The following ATP6V0D1 variants were observed in gnomAD, a reference collection of about 807,000 sequenced individuals.
ATP6V0D1 encodes V-type proton ATPase subunit d 1.
Under a neutral mutation model 39.0 loss-of-function variants are expected in ATP6V0D1, and 13 were observed. That is an observed-to-expected ratio of 0.33 (90% confidence interval 0.22 to 0.53). The LOEUF is 0.53. Among genes scored for constraint, ATP6V0D1 ranks in the 20% least tolerant of loss-of-function variants. The pLI is 0.94. For synonymous variants in ATP6V0D1, 191 were observed against 191.2 expected, an observed-to-expected ratio of 1.00 and a Z score of 0.01; for missense variants, 272 against 470.9, an observed-to-expected ratio of 0.58 and a Z score of 3.91.
At chr16:67,463,707 T>C (rs1299322486) in intron 1 of ATP6V0D1, among the ~76,000 whole-genome samples, 1 of 152,220 alleles carries the variant, frequency 6.6e-6, no homozygotes, top group Non-Finnish European at 1.5e-5. Context: ...GGCAAGAAGA[T>C]GGCAGAAGCA....
At chr16:67,475,261 GC>G (rs941904907) in intron 1 of ATP6V0D1, among the ~76,000 whole-genome samples, 2 of 152,274 alleles carry the variant, frequency 1.3e-5, no homozygotes, top group East Asian at 1.9e-4. Flanking sequence ...TAAACGACCT[GC>G]CACACCATCA....
chr16:67,478,113 G>A (rs894271115), intron 1 of ATP6V0D1, among the ~76,000 whole-genome samples: 8 of 152,186 alleles, frequency 5.3e-5, no homozygotes, highest in Non-Finnish European at 7.3e-5. Context: ...GTAGCTTGTT[G>A]ACATTTCACA....
chr16:67,457,164 A>G (rs1453340847), intron 1 of ATP6V0D1: 2 of 161,798 alleles, frequency 1.2e-5, no homozygotes, highest in Non-Finnish European at 2.7e-5. Flanking sequence ...CTCTAACTGG[A>G]AACACATGGG....
chr16:67,443,287 T>C, intron 3 of ATP6V0D1, 109 bp from the exon 4 acceptor site: 1 of 1,171,242 alleles, frequency 8.5e-7, no homozygotes, highest in Non-Finnish European at 1.3e-6. Flanking sequence ...CCCACAGGGC[T>C]GGGTATTGAG....
intron 2 of ATP6V0D1, among the ~76,000 whole-genome samples, chr16:67,446,997 T>A (rs2041124515): frequency 6.6e-6 from 1 of 152,204 alleles, no homozygotes; most frequent in Non-Finnish European, 1.5e-5. Flanking sequence ...CCTCCACCCA[T>A]GACCAGGGCC....
chr16:67,449,261 C>A (rs1567535822), intron 2 of ATP6V0D1, among the ~76,000 whole-genome samples: 1 of 152,228 alleles, frequency 6.6e-6, no homozygotes, highest in Non-Finnish European at 1.5e-5. Flanking sequence ...CAGGGAGGCT[C>A]ACTCATTCAA....
chr16:67,466,525 G>A (rs1319863417), intron 1 of ATP6V0D1, among the ~76,000 whole-genome samples: 2 of 142,058 alleles, frequency 1.4e-5, no homozygotes, highest in African/African-American at 5.2e-5. Context: ...ATAAAACTCT[G>A]TCTCAAAAAA....
intron 2 of ATP6V0D1, among the ~76,000 whole-genome samples, chr16:67,448,279 G>A (rs1461279951): frequency 7.2e-6 from 1 of 138,674 alleles, no homozygotes; most frequent in African/African-American, 3.5e-5. Flanking sequence ...TTGAGCCCAG[G>A]AGATCAAGGC....
chr16:67,438,888 G>C lies in ATP6V0D1; in HGVS notation c.817-18C>G. ...TTGTACTCCTGGCCAGGGGGGTGGG[G>C]GGAAGCACAAGCATGAGGGTTCTGG... On this transcript the variant is annotated intron_variant, in intron 6 of 7. Transcript: ENST00000290949. 2 of 1,613,570 alleles carry C rather than the reference G, an allele frequency of 1.2e-6. No individual in the cohort carries two copies. Among genetic ancestry groups the C allele is most frequent in the Non-Finnish European group, 1.7e-6 (2 of 1,179,946 alleles).
At chr16:67,450,056 T>C (rs1408213403) in intron 2 of ATP6V0D1, among the ~76,000 whole-genome samples, 1 of 152,150 alleles carries the variant, frequency 6.6e-6, no homozygotes, top group Non-Finnish European at 1.5e-5. Flanking sequence ...TGGGCCAACT[T>C]TGTCTGTGGG....
At chr16:67,464,396 C>T (rs892181645) in intron 1 of ATP6V0D1, among the ~76,000 whole-genome samples, 9 of 152,222 alleles carry the variant, frequency 5.9e-5, no homozygotes, top group South Asian at 2.1e-4. Context: ...CATAATTACG[C>T]CCTTGGGCCT....
chr16:67,472,905 C>T (rs1433309840), intron 1 of ATP6V0D1, among the ~76,000 whole-genome samples: 1 of 152,110 alleles, frequency 6.6e-6, no homozygotes, highest in Non-Finnish European at 1.5e-5. Context: ...AGAGCATACA[C>T]AGAAAATCCT....
At chr16:67,454,974 A>G (rs1471142) in intron 1 of ATP6V0D1, 7,354 of 152,358 alleles carry the variant, frequency 0.048, 207 homozygotes, top group Middle Eastern at 0.092. Context: ...CTTCTCCAGC[A>G]GCCCATCACT....
At chr16:67,467,706 G>A (rs562047190) in intron 1 of ATP6V0D1, among the ~76,000 whole-genome samples, 1 of 152,186 alleles carries the variant, frequency 6.6e-6, no homozygotes, top group Non-Finnish European at 1.5e-5. Context: ...CCACACAGAA[G>A]AACTCAAGAA....
chr16:67,467,251 A>C (rs1399706651), intron 1 of ATP6V0D1, among the ~76,000 whole-genome samples: 2 of 152,158 alleles, frequency 1.3e-5, no homozygotes, highest in Non-Finnish European at 2.9e-5. Flanking sequence ...TCATGCCTGT[A>C]ATCTCAGCAC....
chr16:67,472,442 T>G (rs1220424716), intron 1 of ATP6V0D1, among the ~76,000 whole-genome samples: 1 of 152,238 alleles, frequency 6.6e-6, no homozygotes, highest in Admixed American at 6.5e-5. Flanking sequence ...CCATGTCATC[T>G]CTTCCTTTGG....
intron 1 of ATP6V0D1, among the ~76,000 whole-genome samples, chr16:67,461,226 G>C (rs1400574790): frequency 1.3e-5 from 2 of 152,180 alleles, no homozygotes; most frequent in African/African-American, 4.8e-5. Flanking sequence ...CAGGCCTCTA[G>C]CATGCTGTCC....
chr16:67,450,801 G>GC (rs1393100894), intron 2 of ATP6V0D1, among the ~76,000 whole-genome samples: 1 of 152,208 alleles, frequency 6.6e-6, no homozygotes, highest in Non-Finnish European at 1.5e-5. Flanking sequence ...CAAATGAGTG[G>GC]CCACTCAGCA....
chr16:67,472,593 C>G (rs571837834), intron 1 of ATP6V0D1, among the ~76,000 whole-genome samples: 1 of 152,148 alleles, frequency 6.6e-6, no homozygotes, highest in Admixed American at 6.6e-5. Context: ...GGCGGCTGGG[C>G]GCGGTGGCTC....
Sources: allele counts gnomAD v4.1 joint callset (sites outside exome capture counted in the v4.1 genomes callset), GRCh38; gene constraint gnomAD v4.1.1; transcripts MANE v1.5; gene names NCBI Gene and HGNC (gene_info 2026-07-23, HGNC 2026-07-21).